The following TENM2 variants were observed in gnomAD, a reference collection of about 807,000 sequenced individuals.
TENM2 encodes the protein teneurin-2.
TENM2 carries 52 observed loss-of-function variants against 245.2 expected under a neutral mutation model. The observed-to-expected ratio is 0.21, with a 90% confidence interval of 0.17 to 0.27. The LOEUF (loss-of-function observed/expected upper bound fraction) is 0.27, where lower values mean the gene tolerates loss of function less well. Ranked by LOEUF, TENM2 falls within the 10% of genes least tolerant of loss-of-function variation. The probability of loss-of-function intolerance (pLI) is 1.00; values close to 1 mark genes in which losing one functional copy is unlikely to be tolerated. For synonymous variants in TENM2, 1,363 were observed against 1,438.9 expected (o/e 0.95, Z 1.19); for missense variants, 3,046 against 3,666.8 (o/e 0.83, Z 4.37).
intron 2 of TENM2, among the ~76,000 whole-genome samples, chr5:167,874,089 T>C (rs1773211613): frequency 6.6e-6 from 1 of 152,158 alleles, no homozygotes; most frequent in Non-Finnish European, 1.5e-5. Context: ...GTATCACCTT[T>C]CCCAGGAATC....
Position 168,245,638 on chromosome 5 carries a change from G to A in TENM2, c.5817+922G>A, listed in dbSNP as rs553914624. On this transcript the variant is annotated intron_variant, in intron 26 of 28. Transcript: ENST00000518659. Reference sequence around the variant, plus strand: ...GACTTTTGAAGGCTGCCCTGGCCATGTAGTCATTAGACAGGGCTTGCTCAA... The same window carrying A: ...GACTTTTGAAGGCTGCCCTGGCCATATAGTCATTAGACAGGGCTTGCTCAA... Among the ~76,000 whole-genome samples, 70 of 150,922 alleles carry A rather than the reference G, an allele frequency of 4.6e-4. 3 individuals carry two copies. The South Asian group carries it at 0.015, about 32-fold the overall frequency.
chr5:167,677,781 C>T (rs903876709), intron 2 of TENM2, among the ~76,000 whole-genome samples: 2 of 149,208 alleles, frequency 1.3e-5, no homozygotes, highest in Non-Finnish European at 3.0e-5. Context: ...TACTATAAAC[C>T]TATTTATTAA....
the TENM2 span, among the ~76,000 whole-genome samples, chr5:167,014,291 A>G: frequency 1.3e-5 from 2 of 152,142 alleles, no homozygotes; most frequent in Non-Finnish European, 2.9e-5. Context: ...TAGACCTAAC[A>G]ACAGAGCAGA....
At chr5:167,283,204 C>G (rs1388022180), upstream of TENM2, among the ~76,000 whole-genome samples, 2 of 151,810 alleles carry the variant, frequency 1.3e-5, no homozygotes, top group African/African-American at 4.8e-5. Flanking sequence ...CCACCAGGCC[C>G]AGCGAATTTT....
intron 5 of TENM2, among the ~76,000 whole-genome samples, chr5:168,009,661 A>G (rs1785081878): frequency 2.6e-5 from 4 of 152,206 alleles, no homozygotes; most frequent in Non-Finnish European, 1.5e-5. Flanking sequence ...TAGCCTCCAA[A>G]CTAACCAAAG....
intron 12 of TENM2, among the ~76,000 whole-genome samples, chr5:168,157,907 TTGTTGTTGTTGG>T (rs1283921554): frequency 1.3e-5 from 2 of 151,902 alleles, no homozygotes; most frequent in Non-Finnish European, 2.9e-5. Flanking sequence ...GGGTTGTTGT[TTGTTGTTGTTGG>T]TGTTGTTGTT....
At chr5:168,012,081 G>A (rs1270650363) in intron 5 of TENM2, among the ~76,000 whole-genome samples, 9 of 152,130 alleles carry the variant, frequency 5.9e-5, no homozygotes. Context: ...GTAAATATAT[G>A]CTTGAGTGAC....
At chr5:167,598,005 A>G (rs1776342631) in intron 2 of TENM2, among the ~76,000 whole-genome samples, 1 of 152,160 alleles carries the variant, frequency 6.6e-6, no homozygotes, top group African/African-American at 2.4e-5. Context: ...CATCACACCC[A>G]CATTCCATGA....
chr5:167,375,556 C>A, intron 2 of TENM2, 83 bp downstream of exon 4: 1 of 1,382,312 alleles, frequency 7.2e-7, no homozygotes. Flanking sequence ...TTTAATGAAG[C>A]GGCGTCATAA....
At chr5:167,715,721 A>G (rs1318174687) in intron 2 of TENM2, among the ~76,000 whole-genome samples, 1 of 152,212 alleles carries the variant, frequency 6.6e-6, no homozygotes, top group Non-Finnish European at 1.5e-5. Flanking sequence ...TCAAAATGAC[A>G]GATGAAAAAG....
At chr5:167,744,465 C>A (rs1452074057) in intron 2 of TENM2, among the ~76,000 whole-genome samples, 1 of 152,122 alleles carries the variant, frequency 6.6e-6, no homozygotes, top group African/African-American at 2.4e-5. Flanking sequence ...TGAGAGAGGC[C>A]AGACACCTTA....
intron 2 of TENM2, among the ~76,000 whole-genome samples, chr5:167,863,725 C>T (rs988366364): frequency 6.6e-6 from 1 of 152,076 alleles, no homozygotes; most frequent in Non-Finnish European, 1.5e-5. Context: ...TTGACTGAGG[C>T]CTACAGAATG....
chr5:168,014,961 T>C (rs1030303142), intron 5 of TENM2, among the ~76,000 whole-genome samples: 1 of 152,216 alleles, frequency 6.6e-6, no homozygotes, highest in Non-Finnish European at 1.5e-5. Flanking sequence ...AGCCTGGCAT[T>C]GATCTGTGTA....
chr5:167,156,044 G>C, the TENM2 span, among the ~76,000 whole-genome samples: 1 of 152,174 alleles, frequency 6.6e-6, no homozygotes, highest in African/African-American at 2.4e-5. Context: ...GAAGTGGTAG[G>C]ACAAGTGGGT....
chr5:167,870,706 C>CTATATATA (rs147198597), intron 2 of TENM2, among the ~76,000 whole-genome samples: 3 of 144,716 alleles, frequency 2.1e-5, no homozygotes, highest in African/African-American at 7.6e-5. Flanking sequence ...AAAGCAAGAT[C>CTATATATA]TATATATATA....
chr5:167,737,652 A>G (rs1382004756), intron 2 of TENM2, among the ~76,000 whole-genome samples: 5 of 152,206 alleles, frequency 3.3e-5, no homozygotes, highest in Non-Finnish European at 4.4e-5. Context: ...CAGATGATAC[A>G]TCAAGGCTCT....
exon 25 of TENM2, chr5:168,227,964 G>A (rs780378793): frequency 1.2e-6 from 2 of 1,613,738 alleles, no homozygotes; most frequent in South Asian, 2.2e-5. Context: ...AATGGGATGG[G>A]TATCAGCTTC....
chr5:167,996,147 G>A (rs1262451654), intron 5 of TENM2, among the ~76,000 whole-genome samples: 3 of 152,132 alleles, frequency 2.0e-5, no homozygotes, highest in Non-Finnish European at 2.9e-5. Flanking sequence ...TGAGCAGTTT[G>A]GACATTGCTC....
intron 2 of TENM2, among the ~76,000 whole-genome samples, chr5:167,771,239 G>A (rs1214473362): frequency 3.3e-5 from 5 of 152,060 alleles, no homozygotes; most frequent in Admixed American, 1.3e-4. Context: ...CTTGGTAATT[G>A]CTGCAGAAAG....
Sources: gnomAD v4.1 joint callset for allele counts (sites outside exome capture counted in the v4.1 genomes callset) on GRCh38, gnomAD v4.1.1 for gene constraint, MANE v1.5 for transcripts, NCBI Gene and HGNC (gene_info 2026-07-23, HGNC 2026-07-21) for gene names.